ASAH2B: variants seen among roughly 807,000 people sequenced by gnomAD.
ASAH2B encodes putative inactive neutral ceramidase B.
A neutral mutation model predicts 2.9 loss-of-function variants in ASAH2B; 1 was observed. The observed-to-expected ratio is 0.34, with a 90% CI of 0.12 to 1.63. The LOEUF (loss-of-function observed/expected upper bound fraction) is 1.63. Among genes scored for constraint, ASAH2B ranks in the 40% most tolerant of loss-of-function variants. The pLI, the probability that ASAH2B is intolerant of heterozygous loss-of-function variation, is 0.36. For missense variants in ASAH2B, 9 were observed against 37.7 expected (o/e 0.24, Z 1.99); for synonymous variants, 4 against 13.3 (o/e 0.30, Z 1.52).
chr10:50,743,027 T>TATGC lies in ASAH2B; in HGVS notation c.-4+17_-4+18insATGC, dbSNP rs777811994. On this transcript the variant is annotated intron_variant, in intron 2 of 5. Coordinates refer to ENST00000647317, the MANE Select transcript of ASAH2B (RefSeq NM_001321958.2). ...ATTGCTACGGTAATCAAATATTGTT[T>TATGC]GTGCGTGCGTGCGTGCGTGTGTGTG... The TATGC allele has an allele frequency of 2.8e-5, 45 of 1,606,216 alleles. No homozygotes were observed. Among genetic ancestry groups the TATGC allele is most frequent in the South Asian group, 7.7e-5 (7 of 90,632 alleles).
intron 3 of ASAH2B, among the ~76,000 whole-genome samples, chr10:50,747,757 G>A (rs572722211): frequency 2.3e-4 from 35 of 151,978 alleles, no homozygotes; most frequent in Non-Finnish European, 3.4e-4. Context: ...TAGTCATGGT[G>A]TATAATCCTT....
In ASAH2B at chr10:50,756,671, C is replaced by G. The variant is rs1353315435; in HGVS notation, c.*1931C>G. On this transcript the variant is annotated 3_prime_UTR_variant, in exon 6 of 6. Transcript: ENST00000647317. ...CATCTACTGATCCTTCTGCACCTAG[C>G]ACTCTTGGCTCCAGATAACGCACAG... 6.6e-6 allele frequency: 1 copy of G among 152,048 alleles called. No individual in the cohort carries two copies. Among genetic ancestry groups the G allele is most frequent in the African/African-American group, 2.4e-5 (1 of 41,440 alleles). The allele number at this position is 152,048 out of a possible 1,614,324, so 9.4% of individuals were successfully genotyped here.
At chr10:50,743,988 T>G (rs1458210693) in intron 2 of ASAH2B, among the ~76,000 whole-genome samples, 1 of 150,326 alleles carries the variant, frequency 6.7e-6, no homozygotes, top group African/African-American at 2.5e-5. Context: ...AATTTCAGTA[T>G]TTTATATAAT....
intron 3 of ASAH2B, among the ~76,000 whole-genome samples, chr10:50,748,891 C>T (rs1433269914): frequency 2.0e-4 from 31 of 151,496 alleles, no homozygotes; most frequent in African/African-American, 5.1e-4. Flanking sequence ...GTTTTTTAGT[C>T]GTTTCAGGTG....
chr10:50,747,359 A>T (rs1839923401), intron 3 of ASAH2B, among the ~76,000 whole-genome samples: 1 of 151,166 alleles, frequency 6.6e-6, no homozygotes, highest in Non-Finnish European at 1.5e-5. Flanking sequence ...TGATTACTTT[A>T]GGCCAGTACC....
intron 3 of ASAH2B, among the ~76,000 whole-genome samples, chr10:50,747,089 A>G (rs1476696403): frequency 6.7e-6 from 1 of 150,218 alleles, no homozygotes; most frequent in Non-Finnish European, 1.5e-5. Context: ...ACCTACACCA[A>G]CATCATGGAA....
intron 5 of ASAH2B, 134 bp from the exon 6 acceptor site, chr10:50,754,417 A>G (rs1837037759): frequency 8.3e-6 from 1 of 119,958 alleles, no homozygotes; most frequent in Admixed American, 8.0e-5. Flanking sequence ...CTGTATCTTC[A>G]ATGTCTTGAT....
intron 3 of ASAH2B, among the ~76,000 whole-genome samples, chr10:50,748,082 C>T (rs770657674): frequency 5.7e-4 from 86 of 150,288 alleles, no homozygotes; most frequent in South Asian, 1.5e-3. Flanking sequence ...TTCATATGTC[C>T]TATTTTTTTC....
chr10:50,743,406 C>G (rs1839863063), intron 2 of ASAH2B, among the ~76,000 whole-genome samples: 1 of 150,864 alleles, frequency 6.6e-6, no homozygotes, highest in Admixed American at 6.6e-5. Flanking sequence ...ATTCTCCCCA[C>G]TCACTCCAAA....
intron 3 of ASAH2B, among the ~76,000 whole-genome samples, chr10:50,746,402 T>C (rs938370879): frequency 4.0e-5 from 6 of 151,578 alleles, no homozygotes; most frequent in African/African-American, 1.5e-4. Context: ...CATTCATCCA[T>C]TGATGGACAC....
intron 3 of ASAH2B, among the ~76,000 whole-genome samples, chr10:50,747,684 T>G (rs570715988): frequency 2.0e-5 from 3 of 151,922 alleles, no homozygotes; most frequent in East Asian, 3.9e-4. Flanking sequence ...TTTTGTCTTT[T>G]GTTATTTTAA....
At chr10:50,744,544 A>C (rs1839879852) in intron 2 of ASAH2B, among the ~76,000 whole-genome samples, 1 of 151,636 alleles carries the variant, frequency 6.6e-6, no homozygotes, top group Admixed American at 6.6e-5. Context: ...CCTAATATAG[A>C]TATAGGGATA....
rs763194796 is a variant in ASAH2B, at chr10:50,742,903, C to G, written c.-99-12C>G. The G allele has an allele frequency of 1.2e-6, 2 of 1,613,748 alleles. No individual in the cohort carries two copies. Among genetic ancestry groups the G allele is most frequent in the Non-Finnish European group, 1.7e-6 (2 of 1,179,682 alleles). On this transcript the variant is annotated splice_polypyrimidine_tract_variant and intron_variant, in intron 1 of 5. Coordinates refer to ENST00000647317, the MANE Select transcript of ASAH2B (RefSeq NM_001321958.2). ...GCAGAACCATATACAACTCTCCCTG[C>G]CTTTCCTGCAGGCTCAGCGATATGA...
chr10:50,742,653 C>T (rs917489707), intron 1 of ASAH2B, among the ~76,000 whole-genome samples: 4 of 152,014 alleles, frequency 2.6e-5, no homozygotes, highest in African/African-American at 7.2e-5. Context: ...GAGCTAGCAC[C>T]GTCTTTCATA....
At chr10:50,746,851 T>A (rs1437288608) in intron 3 of ASAH2B, among the ~76,000 whole-genome samples, 1 of 151,468 alleles carries the variant, frequency 6.6e-6, no homozygotes, top group Non-Finnish European at 1.5e-5. Flanking sequence ...ATTGGGTTAT[T>A]TGTTTTCTTG....
At position 50,756,657 on chromosome 10, in the gene ASAH2B, C is replaced by G. The variant is rs1294912412; in HGVS notation, c.*1917C>G. On this transcript the variant is annotated 3_prime_UTR_variant, in exon 6 of 6. Coordinates refer to ENST00000647317, the MANE Select transcript of ASAH2B (RefSeq NM_001321958.2). ...GGTGGCCACTGTATCATCTACTGAT[C>G]CTTCTGCACCTAGCACTCTTGGCTC... 6.6e-6 allele frequency: 1 copy of G among 152,030 alleles called. No homozygotes were observed. The highest frequency in any genetic ancestry group is 1.5e-5 in the Non-Finnish European group (1 of 67,916). 9.4% of individuals were successfully genotyped at this position (152,030 alleles called of 1,614,324 possible).
At position 50,758,874 on chromosome 10, in the gene ASAH2B, TAGAG is replaced by T. The variant is rs1447797136; in HGVS notation, c.*4137_*4140del. 1 of 151,966 alleles carries T rather than the reference TAGAG, an allele frequency of 6.6e-6. No individual in the cohort carries two copies. Among genetic ancestry groups the T allele is most frequent in the African/African-American group, 2.4e-5 (1 of 41,434 alleles). The allele number at this position is 151,966 out of a possible 1,614,324, so 9.4% of individuals were successfully genotyped here. ...CCCATATTGTTATTGTTCAGGGAAT[TAGAG>T]AGGGCACCTAATATGGTCTTGGGGA... On this transcript the variant is annotated 3_prime_UTR_variant, in exon 6 of 6. Transcript: ENST00000647317.
chr10:50,756,592 C>A lies in ASAH2B; in HGVS notation c.*1852C>A, dbSNP rs1359743224. The A allele has an allele frequency of 6.6e-6, 1 of 151,968 alleles. No individual in the cohort carries two copies. Among genetic ancestry groups the A allele is most frequent in the Non-Finnish European group, 1.5e-5 (1 of 67,884 alleles). 9.4% of individuals were successfully genotyped at this position (151,968 alleles called of 1,614,324 possible). On this transcript the variant is annotated 3_prime_UTR_variant, in exon 6 of 6. Transcript: ENST00000647317. ...CCTTCTATTGAAGCTTTCCTCAAAT[C>A]TACTTGTGATTCCTGATAGCTCACT...
In ASAH2B at chr10:50,756,400, A is replaced by G. The variant is rs1837089838; in HGVS notation, c.*1660A>G. The G allele has an allele frequency of 6.6e-6, 1 of 151,716 alleles. No homozygotes were observed. Among genetic ancestry groups the G allele is most frequent in the Non-Finnish European group, 1.5e-5 (1 of 67,760 alleles). The allele number at this position is 151,716 out of a possible 1,614,324, so 9.4% of individuals were successfully genotyped here. Reference sequence around the variant, plus strand: ...TCCAAGTGTTGTGATCTTTTTTCTGATGACGCCACAGTCTTCAGTGTAAAA... The same window carrying G: ...TCCAAGTGTTGTGATCTTTTTTCTGGTGACGCCACAGTCTTCAGTGTAAAA... On this transcript the variant is annotated 3_prime_UTR_variant, in exon 6 of 6. Transcript: ENST00000647317.
Sources: allele counts gnomAD v4.1 joint callset (sites outside exome capture counted in the v4.1 genomes callset), GRCh38; gene constraint gnomAD v4.1.1; transcripts MANE v1.5; gene names NCBI Gene and HGNC (gene_info 2026-07-23, HGNC 2026-07-21).